RBFOX1: variants seen among roughly 807,000 people sequenced by gnomAD.
The protein encoded by RBFOX1 is RNA binding protein fox-1 homolog 1.
In RBFOX1, 8 loss-of-function variants were observed where a neutral mutation model predicts 57.7. The ratio of observed to expected loss-of-function variants is 0.14; its 90% confidence interval spans 0.08 to 0.25. The LOEUF (loss-of-function observed/expected upper bound fraction) is 0.25, where lower values mean the gene tolerates loss of function less well. Ranked by LOEUF, RBFOX1 falls within the 10% of genes least tolerant of loss-of-function variation. The pLI is 1.00. For missense variants in RBFOX1, 611 were observed against 548.5 expected, an observed-to-expected ratio of 1.11 and a Z score of -1.14; for synonymous variants, 326 against 222.4, an observed-to-expected ratio of 1.47 and a Z score of -4.15.
intron 4 of RBFOX1, among the ~76,000 whole-genome samples, chr16:7,503,952 G>C (rs1193829872): frequency 1.3e-5 from 2 of 152,154 alleles, no homozygotes; most frequent in Non-Finnish European, 2.9e-5. Context: ...GGTCTTGACT[G>C]TGTATTATAG....
chr16:6,846,222 GT>G (rs1017924956), intron 3 of RBFOX1, among the ~76,000 whole-genome samples: 5 of 152,176 alleles, frequency 3.3e-5, no homozygotes, highest in African/African-American at 1.2e-4. Context: ...GTGTGTGCAT[GT>G]TTTCAGTCTG....
intron 1 of RBFOX1, among the ~76,000 whole-genome samples, chr16:6,135,864 A>G (rs1286739048): frequency 1.5e-5 from 2 of 133,654 alleles, no homozygotes; most frequent in African/African-American, 5.8e-5. Flanking sequence ...GCACGATCTC[A>G]GCTCACTGTA....
chr16:6,818,285 G>C (rs6500842), intron 3 of RBFOX1, among the ~76,000 whole-genome samples: 1 of 151,820 alleles, frequency 6.6e-6, no homozygotes, highest in South Asian at 2.1e-4. Flanking sequence ...GGATTCACCT[G>C]TGTGTGCGTC....
chr16:7,060,955 C>A (rs1425422561), intron 4 of RBFOX1, among the ~76,000 whole-genome samples: 7 of 152,134 alleles, frequency 4.6e-5, no homozygotes, highest in Non-Finnish European at 8.8e-5. Context: ...TAGGTGGTGA[C>A]TTACAGAGAA....
chr16:7,425,733 C>T (rs1015386948), intron 4 of RBFOX1, among the ~76,000 whole-genome samples: 3 of 152,168 alleles, frequency 2.0e-5, no homozygotes, highest in East Asian at 3.9e-4. Context: ...GGGATAGAGA[C>T]CCCTCCTCCC....
intron 1 of RBFOX1, among the ~76,000 whole-genome samples, chr16:5,313,630 G>C (rs1287632552): frequency 6.6e-6 from 1 of 152,188 alleles, no homozygotes; most frequent in Admixed American, 6.5e-5. Context: ...GCAAGGAGGA[G>C]CAAGGCTATG....
chr16:6,438,610 C>T (rs934854925), intron 2 of RBFOX1, among the ~76,000 whole-genome samples: 3 of 152,158 alleles, frequency 2.0e-5, no homozygotes, highest in African/African-American at 7.2e-5. Context: ...ACTTACAGTT[C>T]TTCCTCTAGC....
intron 2 of RBFOX1, among the ~76,000 whole-genome samples, chr16:6,481,225 A>C (rs1010207851): frequency 1.3e-5 from 2 of 152,132 alleles, no homozygotes; most frequent in Non-Finnish European, 2.9e-5. Flanking sequence ...CAAGAAAACA[A>C]CCTTCTCTCT....
intron 4 of RBFOX1, among the ~76,000 whole-genome samples, chr16:7,407,924 G>A (rs550522410): frequency 3.3e-5 from 5 of 152,286 alleles, no homozygotes; most frequent in East Asian, 1.9e-4. Context: ...TTTACCAATC[G>A]TGGGTGGCTG....
At chr16:6,683,289 G>T (rs1193909397) in intron 3 of RBFOX1, among the ~76,000 whole-genome samples, 4 of 152,154 alleles carry the variant, frequency 2.6e-5, no homozygotes, top group Non-Finnish European at 1.5e-5. Context: ...GCCTGTTAAT[G>T]ACCCTTGAGA....
chr16:6,158,295 G>C lies in RBFOX1; in HGVS notation c.-127+138303G>C, dbSNP rs553841819. ...GAAGTGAAGGTTCTGCATCACAGGC[G>C]ATGCACCTACAGCAATCAGATATTT... On this transcript the variant is annotated intron_variant, in intron 1 of 15. Transcript: ENST00000550418. Among the ~76,000 whole-genome samples, 18 of 152,278 alleles carry C rather than the reference G, an allele frequency of 1.2e-4. No individual in the cohort carries two copies. In the East Asian group the frequency reaches 3.1e-3, roughly 26 times the overall value.
intron 3 of RBFOX1, among the ~76,000 whole-genome samples, chr16:7,023,636 G>C (rs2040001862): frequency 6.7e-6 from 1 of 148,984 alleles, no homozygotes; most frequent in African/African-American, 2.5e-5. Context: ...TTCAGCACTG[G>C]GAAGGCCCCA....
Position 7,029,285 on chromosome 16 carries a change from C to A in RBFOX1, c.-15-22772C>A, listed in dbSNP as rs1477637023. 3.1e-5 allele frequency among the ~76,000 whole-genome samples: 3 copies of A among 95,722 alleles called. No homozygotes were observed. The South Asian group carries it at 1.0e-3, about 33-fold the overall frequency. 62.8% of individuals were successfully genotyped at this position (95,722 alleles called of 152,430 possible). ...ATATATACGTATACGTATATATATACACATATATATATACGTATATGTATA... is the reference window on the plus strand; with the variant it reads ...ATATATACGTATACGTATATATATAAACATATATATATACGTATATGTATA... On this transcript the variant is annotated intron_variant, in intron 3 of 15. Transcript: ENST00000550418.
intron 2 of RBFOX1, among the ~76,000 whole-genome samples, chr16:6,517,251 C>T (rs1189933839): frequency 3.3e-5 from 5 of 152,112 alleles, no homozygotes; most frequent in African/African-American, 1.2e-4. Flanking sequence ...CGCATTTTGA[C>T]ATCACCCACA....
chr16:6,830,148 C>G (rs937974629), intron 3 of RBFOX1, among the ~76,000 whole-genome samples: 1 of 152,120 alleles, frequency 6.6e-6, no homozygotes, highest in East Asian at 1.9e-4. Context: ...AATTCCTGAC[C>G]TCAGGTGATC....
chr16:6,847,391 G>A (rs528634099), intron 3 of RBFOX1, among the ~76,000 whole-genome samples: 5 of 151,976 alleles, frequency 3.3e-5, no homozygotes, highest in Admixed American at 1.3e-4. Flanking sequence ...GCACATTCTG[G>A]GGCCGGGTCT....
At chr16:6,065,235 G>T (rs1175178439) in intron 1 of RBFOX1, among the ~76,000 whole-genome samples, 1 of 144,050 alleles carries the variant, frequency 6.9e-6, no homozygotes, top group Non-Finnish European at 1.5e-5. Context: ...GGATCTTGCT[G>T]TGTTGCCACG....
intron 3 of RBFOX1, among the ~76,000 whole-genome samples, chr16:5,643,302 GT>G (rs1352406104): frequency 1.3e-5 from 2 of 152,216 alleles, no homozygotes; most frequent in South Asian, 4.2e-4. Context: ...CTTGATTATC[GT>G]TTTTTTAGGG....
intron 10 of RBFOX1, among the ~76,000 whole-genome samples, chr16:7,621,417 C>G (rs1444988059): frequency 6.6e-6 from 1 of 152,024 alleles, no homozygotes; most frequent in Non-Finnish European, 1.5e-5. Context: ...TATGCCACCA[C>G]GCCTGGCTAA....
Sources: gnomAD v4.1 joint callset for allele counts (sites outside exome capture counted in the v4.1 genomes callset) on GRCh38, gnomAD v4.1.1 for gene constraint, MANE v1.5 for transcripts, NCBI Gene and HGNC (gene_info 2026-07-23, HGNC 2026-07-21) for gene names.